Variants in UROS observed in about 807,000 individuals in gnomAD.
UROS encodes uroporphyrinogen-III synthase.
In UROS, 18 loss-of-function variants were observed where a neutral mutation model predicts 33.0. The ratio of observed to expected loss-of-function variants is 0.55; its 90% CI spans 0.38 to 0.81. The LOEUF is 0.81. Among genes scored for constraint, UROS ranks in the 30% least tolerant of loss-of-function variants. The pLI is 0.00. For missense variants in UROS, 293 were observed against 314.9 expected, an observed-to-expected ratio of 0.93 and a Z score of 0.53; for synonymous variants, 114 against 121.1, an observed-to-expected ratio of 0.94 and a Z score of 0.38.
In UROS at chr10:125,816,451, C is replaced by G. The variant is rs754180409; in HGVS notation, c.49G>C (p.Asp17His). The G allele has an allele frequency of 1.2e-6, 2 of 1,614,042 alleles. No homozygotes were observed. The highest frequency in any genetic ancestry group is 2.7e-5 in the African/African-American group (2 of 74,918). Residue 17 changes from aspartate (D) to histidine (H), a missense_variant, in exon 2 of 10, where the codon GAT becomes CAT. Transcript: ENST00000368797. ...AGGCCACTTACCCTGATATACGGATCCTGGCCACAGTCATCTTCCTTCGCA... is the reference window on the plus strand; with the variant it reads ...AGGCCACTTACCCTGATATACGGATGCTGGCCACAGTCATCTTCCTTCGCA... ...KDAKEDDCGQ[D>H]PYIRELGLYG...
At chr10:125,818,062 G>A (rs1853507189) in intron 1 of UROS, among the ~76,000 whole-genome samples, 1 of 152,146 alleles carries the variant, frequency 6.6e-6, no homozygotes, top group Non-Finnish European at 1.5e-5. Flanking sequence ...ATAATAAAGA[G>A]CTCCCTGAGA....
Position 125,788,758 on chromosome 10 carries a change from A to G in UROS, c.*110T>C. 2 of 1,470,774 alleles carry G rather than the reference A, an allele frequency of 1.4e-6. No individual in the cohort carries two copies. The highest frequency in any genetic ancestry group is 1.8e-6 in the Non-Finnish European group (2 of 1,111,740). 91.1% of individuals were successfully genotyped at this position (1,470,774 alleles called of 1,614,324 possible). The stretch of plus-strand genomic sequence containing the variant: ...CCTCAGGTGCTTCCACTCAGGCTTG[A>G]GGCAGGAGTCTGACGGCAGCAGCTC... On this transcript the variant is annotated 3_prime_UTR_variant, in exon 10 of 10. Transcript: ENST00000368797.
intron 9 of UROS, 152 bp downstream of exon 9, chr10:125,794,728 A>G: frequency 1.4e-6 from 1 of 698,436 alleles, no homozygotes; most frequent in East Asian, 2.8e-5. Flanking sequence ...TCTGTGCAAC[A>G]GCCCAGCAGG....
intron 1 of UROS, among the ~76,000 whole-genome samples, 169 bp downstream of exon 1, chr10:125,822,860 C>A (rs568847472): frequency 6.6e-6 from 1 of 152,210 alleles, no homozygotes; most frequent in Non-Finnish European, 1.5e-5. Context: ...CAGGCGCCTT[C>A]CGTCACCGGC....
intron 6 of UROS, among the ~76,000 whole-genome samples, chr10:125,806,614 A>T (rs1852357844): frequency 6.6e-6 from 1 of 152,206 alleles, no homozygotes; most frequent in East Asian, 1.9e-4. Context: ...TAACAGATGA[A>T]GTTTGCCAGC....
intron 6 of UROS, among the ~76,000 whole-genome samples, chr10:125,803,203 T>C (rs780655107): frequency 6.6e-6 from 1 of 152,192 alleles, no homozygotes; most frequent in Non-Finnish European, 1.5e-5. Context: ...AGTTTCTTCA[T>C]GAGCAAAAGC....
At chr10:125,817,967 AAC>A (rs1340219078) in intron 1 of UROS, among the ~76,000 whole-genome samples, 1 of 152,234 alleles carries the variant, frequency 6.6e-6, no homozygotes, top group African/African-American at 2.4e-5. Context: ...ACCCATTGTA[AAC>A]AGAGAAAATA....
intron 6 of UROS, among the ~76,000 whole-genome samples, chr10:125,801,065 C>T (rs1851807767): frequency 6.6e-6 from 1 of 152,198 alleles, no homozygotes; most frequent in Non-Finnish European, 1.5e-5. Flanking sequence ...ACAGTAACAA[C>T]TTCCAAGTTA....
intron 9 of UROS, among the ~76,000 whole-genome samples, chr10:125,789,716 C>T (rs1399125915): frequency 6.6e-6 from 1 of 152,230 alleles, no homozygotes; most frequent in Admixed American, 6.5e-5. Context: ...GGACATCTCT[C>T]TCTGAACAAG....
Position 125,806,734 on chromosome 10 carries a change from G to C in UROS, c.394+679C>G, listed in dbSNP as rs1852368501. Among the ~76,000 whole-genome samples the C allele has an allele frequency of 2.0e-5, 3 of 152,176 alleles. No individual in the cohort carries two copies. The South Asian group carries it at 6.2e-4, about 32-fold the overall frequency. On this transcript the variant is annotated intron_variant, in intron 6 of 9. Coordinates refer to ENST00000368797, the MANE Select transcript of UROS (RefSeq NM_000375.3). Reference sequence around the variant, plus strand: ...ATGATCTTACACCTACAGCAGAGGAGTCAAATGACAAGGGTGTAAGAGCTT... The same window carrying C: ...ATGATCTTACACCTACAGCAGAGGACTCAAATGACAAGGGTGTAAGAGCTT...
chr10:125,813,651 T>C (rs559587813), intron 4 of UROS, among the ~76,000 whole-genome samples: 1 of 152,248 alleles, frequency 6.6e-6, no homozygotes, highest in East Asian at 1.9e-4. Flanking sequence ...CTAACTTTCG[T>C]ATTTTTTGGT....
rs190665954 is a variant in UROS at position 125,810,065 on chromosome 10, T to G, written c.319+2149A>C. Among the ~76,000 whole-genome samples, 583 of 152,322 alleles carry G rather than the reference T, an allele frequency of 3.8e-3. 3 individuals carry two copies. The highest frequency in any genetic ancestry group is 0.012 in the African/African-American group (491 of 41,566). ...CTTCTCTTTGCTTCAAATGTCCAAC[T>G]TTCCTAACCTGATTCCCAGGCTCTA... is the stretch of plus-strand genomic sequence containing the variant. On this transcript the variant is annotated intron_variant, in intron 5 of 9. Coordinates refer to ENST00000368797, the MANE Select transcript of UROS (RefSeq NM_000375.3).
chr10:125,793,258 T>C (rs1027904829), intron 9 of UROS: 6 of 149,782 alleles, frequency 4.0e-5, no homozygotes, highest in Admixed American at 3.5e-4. Flanking sequence ...TCTTTTGTTC[T>C]TCCTCTAGGC....
At chr10:125,822,313 C>A (rs1027410000) in intron 1 of UROS, among the ~76,000 whole-genome samples, 8 of 136,756 alleles carry the variant, frequency 5.8e-5, no homozygotes, top group Non-Finnish European at 1.3e-4. Context: ...CCACTGGCCC[C>A]GAAGCATTTT....
At chr10:125,819,089 A>G (rs1853616625) in intron 1 of UROS, among the ~76,000 whole-genome samples, 2 of 152,076 alleles carry the variant, frequency 1.3e-5, no homozygotes, top group Non-Finnish European at 2.9e-5. Context: ...GGTTCAAGCG[A>G]TTCTCCTGCC....
intron 7 of UROS, among the ~76,000 whole-genome samples, chr10:125,797,540 G>A (rs184755362): frequency 3.1e-4 from 47 of 152,304 alleles, no homozygotes; most frequent in Non-Finnish European, 4.7e-4. Flanking sequence ...CAAAAGGTGC[G>A]CAGGTGACAG....
At chr10:125,799,363 T>A (rs4962489) in intron 6 of UROS, among the ~76,000 whole-genome samples, 40 of 152,214 alleles carry the variant, frequency 2.6e-4, no homozygotes, top group Admixed American at 7.2e-4. Flanking sequence ...TTCAAAGCCA[T>A]GTTCAGAGGC....
intron 5 of UROS, among the ~76,000 whole-genome samples, chr10:125,808,800 C>T (rs1015924534): frequency 1.2e-4 from 18 of 152,224 alleles, no homozygotes; most frequent in Admixed American, 5.2e-4. Flanking sequence ...TGGGGCTACC[C>T]GGTCCACCCC....
intron 6 of UROS, among the ~76,000 whole-genome samples, chr10:125,804,833 G>A (rs1028416756): frequency 8.5e-5 from 13 of 152,144 alleles, no homozygotes; most frequent in Admixed American, 3.3e-4. Context: ...GCCTTATCAC[G>A]GTTACTGATG....
Sources: gnomAD v4.1 joint callset for allele counts (sites outside exome capture counted in the v4.1 genomes callset) on GRCh38, gnomAD v4.1.1 for gene constraint, MANE v1.5 for transcripts, NCBI Gene and HGNC (gene_info 2026-07-23, HGNC 2026-07-21) for gene names.